Variants in B3GALT1 observed in about 807,000 individuals in gnomAD.
B3GALT1 encodes UDP-Gal:betaGlcNAc beta 1,3-galactosyltransferase, polypeptide 1.
B3GALT1 carries 10 observed loss-of-function variants against 23.2 expected under a neutral mutation model. That is an observed-to-expected ratio of 0.43 (90% CI 0.27 to 0.73). The LOEUF (loss-of-function observed/expected upper bound fraction) is 0.73, where lower values mean the gene tolerates loss of function less well. Among genes scored for constraint, B3GALT1 ranks in the 30% least tolerant of loss-of-function variants. The probability of loss-of-function intolerance (pLI) is 0.21; values close to 1 mark genes in which losing one functional copy is unlikely to be tolerated. For missense variants in B3GALT1, 299 were observed against 405.4 expected (o/e 0.74, Z 2.25); for synonymous variants, 156 against 141.5 (o/e 1.10, Z -0.73).
At chr2:167,602,182 G>A (rs964441280) in intron 2 of B3GALT1, among the ~76,000 whole-genome samples, 2 of 152,190 alleles carry the variant, frequency 1.3e-5, no homozygotes, top group Non-Finnish European at 2.9e-5. Context: ...TAGGAACTGT[G>A]AGAATCCTTC....
chr2:167,652,421 A>G (rs1323340537), intron 3 of B3GALT1, among the ~76,000 whole-genome samples: 2 of 152,218 alleles, frequency 1.3e-5, no homozygotes, highest in Admixed American at 1.3e-4. Flanking sequence ...TTTTATCTGT[A>G]AAACAAGCTT....
intron 1 of B3GALT1, among the ~76,000 whole-genome samples, chr2:167,307,323 A>G (rs1406870568): frequency 6.6e-6 from 1 of 152,026 alleles, no homozygotes. Context: ...ATCATAGCCT[A>G]TCTTATTCTC....
At chr2:167,717,538 C>T (rs551889644) in intron 3 of B3GALT1, among the ~76,000 whole-genome samples, 10 of 152,178 alleles carry the variant, frequency 6.6e-5, no homozygotes, top group African/African-American at 2.2e-4. Context: ...TTTGTCGCCA[C>T]ACCTGTCCTC....
chr2:167,785,796 C>G (rs754284443), intron 3 of B3GALT1, among the ~76,000 whole-genome samples: 12 of 152,292 alleles, frequency 7.9e-5, no homozygotes, highest in Non-Finnish European at 1.6e-4. Context: ...TGTGGCTTCT[C>G]CTCTGGGAAG....
chr2:167,337,880 A>G (rs1299557116), intron 1 of B3GALT1, among the ~76,000 whole-genome samples: 1 of 152,172 alleles, frequency 6.6e-6, no homozygotes, highest in Non-Finnish European at 1.5e-5. Flanking sequence ...CAATATTATT[A>G]CTCATATTGG....
At chr2:167,547,562 C>G (rs931287994) in intron 2 of B3GALT1, among the ~76,000 whole-genome samples, 1 of 151,920 alleles carries the variant, frequency 6.6e-6, no homozygotes. Flanking sequence ...AGCATGGTGG[C>G]AGGTGCCTGT....
intron 3 of B3GALT1, among the ~76,000 whole-genome samples, chr2:167,728,061 C>G (rs536076123): frequency 6.6e-5 from 10 of 152,290 alleles, no homozygotes; most frequent in African/African-American, 2.4e-4. Context: ...GTGACAAACA[C>G]AATCTTCTGT....
At chr2:167,698,505 C>A (rs1330832376) in intron 3 of B3GALT1, among the ~76,000 whole-genome samples, 1 of 152,134 alleles carries the variant, frequency 6.6e-6, no homozygotes, top group African/African-American at 2.4e-5. Flanking sequence ...AAGGTATCTA[C>A]CCAATCCAGG....
At chr2:167,573,430 G>A (rs1402014556) in intron 2 of B3GALT1, among the ~76,000 whole-genome samples, 2 of 151,676 alleles carry the variant, frequency 1.3e-5, no homozygotes, top group African/African-American at 2.4e-5. Context: ...CATTCCAGTG[G>A]TTATTGCTTG....
intron 2 of B3GALT1, among the ~76,000 whole-genome samples, chr2:167,621,900 C>G (rs1279174821): frequency 6.6e-6 from 1 of 152,056 alleles, no homozygotes; most frequent in Non-Finnish European, 1.5e-5. Context: ...CTGTATGTTT[C>G]CTGAAGCCTT....
intron 3 of B3GALT1, among the ~76,000 whole-genome samples, chr2:167,665,299 C>T (rs1486521273): frequency 1.9e-4 from 24 of 125,770 alleles, no homozygotes; most frequent in African/African-American, 4.1e-4. Flanking sequence ...AGCCTTGCAT[C>T]CCAGGGATGA....
chr2:167,658,414 T>G (rs1196670228), intron 3 of B3GALT1, among the ~76,000 whole-genome samples: 1 of 152,034 alleles, frequency 6.6e-6, no homozygotes, highest in Non-Finnish European at 1.5e-5. Context: ...TAAAAGAGAT[T>G]GGATCCAAAT....
intron 1 of B3GALT1, among the ~76,000 whole-genome samples, chr2:167,381,884 T>A (rs2105276598): frequency 6.6e-6 from 1 of 152,340 alleles, no homozygotes; most frequent in East Asian, 1.9e-4. Context: ...ACAATTTTGA[T>A]CAGTTTATCT....
intron 3 of B3GALT1, among the ~76,000 whole-genome samples, chr2:167,750,076 T>C (rs1395263919): frequency 1.3e-5 from 2 of 152,354 alleles, no homozygotes; most frequent in Admixed American, 1.3e-4. Context: ...GTAGAATGAC[T>C]ACTTTGTGAC....
At chr2:167,662,201 T>C (rs1229722810) in intron 3 of B3GALT1, among the ~76,000 whole-genome samples, 2 of 152,132 alleles carry the variant, frequency 1.3e-5, no homozygotes, top group African/African-American at 4.8e-5. Context: ...CATGAATGGT[T>C]TCCATCACAT....
Position 167,315,034 on chromosome 2 carries a change from AAGT to A in B3GALT1, c.-511+21701_-511+21703del, listed in dbSNP as rs771210458. The stretch of plus-strand genomic sequence containing the variant: ...ATTATCTCTTAAGCATTATTAAAAT[AAGT>A]CATACATATTTAGTAAGAACTCTTT... On this transcript the variant is annotated intron_variant, in intron 1 of 4. Coordinates refer to ENST00000392690, the MANE Select transcript of B3GALT1 (RefSeq NM_020981.4). Among the ~76,000 whole-genome samples, 16 of 152,316 alleles carry A rather than the reference AAGT, an allele frequency of 1.1e-4. No homozygotes were observed. In the East Asian group the frequency reaches 1.5e-3, roughly 15 times the overall value.
chr2:167,715,302 G>A, intron 3 of B3GALT1: 2 of 1,613,894 alleles, frequency 1.2e-6, no homozygotes, highest in South Asian at 2.2e-5. Flanking sequence ...TTCAGAACTT[G>A]TTCTGCTTAT....
At chr2:167,405,654 T>C (rs1435180500) in intron 1 of B3GALT1, among the ~76,000 whole-genome samples, 1 of 152,144 alleles carries the variant, frequency 6.6e-6, no homozygotes, top group Non-Finnish European at 1.5e-5. Flanking sequence ...TATTTGAAGC[T>C]ATGGAATGAA....
intron 2 of B3GALT1, among the ~76,000 whole-genome samples, chr2:167,564,520 G>A (rs1684110084): frequency 6.6e-6 from 1 of 152,174 alleles, no homozygotes; most frequent in East Asian, 1.9e-4. Flanking sequence ...GACGCCGGGA[G>A]GTGGAGGCCG....
Sources: gnomAD v4.1 joint callset for allele counts (sites outside exome capture counted in the v4.1 genomes callset) on GRCh38, gnomAD v4.1.1 for gene constraint, MANE v1.5 for transcripts, NCBI Gene and HGNC (gene_info 2026-07-23, HGNC 2026-07-21) for gene names.